Variants in RBFOX1 observed in about 807,000 individuals in gnomAD.
The protein encoded by RBFOX1 is RNA binding protein fox-1 homolog 1.
RBFOX1 carries 8 observed loss-of-function variants against 57.7 expected under a neutral mutation model. The ratio of observed to expected loss-of-function variants is 0.14; its 90% CI spans 0.08 to 0.25. The LOEUF (loss-of-function observed/expected upper bound fraction) is 0.25. RBFOX1 is among the 10% of genes least tolerant of loss of function. RBFOX1 has a pLI of 1.00. For synonymous variants in RBFOX1, 326 were observed against 222.4 expected, an observed-to-expected ratio of 1.47 and a Z score of -4.15; for missense variants, 611 against 548.5, an observed-to-expected ratio of 1.11 and a Z score of -1.14.
chr16:6,790,573 T>C (rs927795095), intron 3 of RBFOX1, among the ~76,000 whole-genome samples: 10 of 152,160 alleles, frequency 6.6e-5, no homozygotes, highest in African/African-American at 1.9e-4. Context: ...CCCAAACCAT[T>C]GTTTTCCCAA....
intron 1 of RBFOX1, among the ~76,000 whole-genome samples, chr16:5,255,466 CA>C (rs2062569596): frequency 6.6e-6 from 1 of 151,048 alleles, no homozygotes; most frequent in Non-Finnish European, 1.5e-5. Context: ...CTTGTGCACC[CA>C]GCTATCATCC....
rs188354657 is a variant in RBFOX1, at chr16:6,932,286, C to T, written c.-15-119771C>T. On this transcript the variant is annotated intron_variant, in intron 3 of 15. Transcript: ENST00000550418. ...ACCTGGCTAATTTTTTTTGAATTTT[C>T]AGTAGAGACGGGGTTTCACCCTGTT... Among the ~76,000 whole-genome samples, 1,258 of 151,948 alleles carry T rather than the reference C, an allele frequency of 8.3e-3. 5 individuals carry two copies. Among genetic ancestry groups the T allele is most frequent in the Non-Finnish European group, 0.014 (984 of 67,912 alleles).
chr16:7,454,286 A>G (rs1335017716), intron 4 of RBFOX1, among the ~76,000 whole-genome samples: 3 of 152,196 alleles, frequency 2.0e-5, no homozygotes. Context: ...GAAGTCAAGG[A>G]AGCAAGGAAG....
At chr16:6,942,602 G>T (rs138925040) in intron 3 of RBFOX1, among the ~76,000 whole-genome samples, 2 of 152,168 alleles carry the variant, frequency 1.3e-5, no homozygotes, top group Non-Finnish European at 2.9e-5. Context: ...GATCAAGACA[G>T]AGTGGACTTT....
intron 1 of RBFOX1, among the ~76,000 whole-genome samples, chr16:5,420,560 G>A (rs539590000): frequency 1.3e-5 from 2 of 152,196 alleles, no homozygotes; most frequent in Admixed American, 1.3e-4. Flanking sequence ...CCAGGCTGGA[G>A]TGCAGTGGTG....
chr16:6,080,433 T>A (rs1162558816), intron 1 of RBFOX1, among the ~76,000 whole-genome samples: 1 of 152,234 alleles, frequency 6.6e-6, no homozygotes, highest in East Asian at 1.9e-4. Flanking sequence ...GCTCCTGTTA[T>A]GCACCAAGCA....
chr16:7,295,097 C>G (rs1267752193), intron 4 of RBFOX1, among the ~76,000 whole-genome samples: 2 of 152,104 alleles, frequency 1.3e-5, no homozygotes. Context: ...AAGGACTTGA[C>G]CTGATGTTGT....
chr16:5,705,866 C>T (rs764295766), intron 3 of RBFOX1, among the ~76,000 whole-genome samples: 1 of 152,134 alleles, frequency 6.6e-6, no homozygotes, highest in Non-Finnish European at 1.5e-5. Flanking sequence ...AAAATAGGTG[C>T]CTGATAGATG....
chr16:6,698,180 T>C (rs2061329641), intron 3 of RBFOX1, among the ~76,000 whole-genome samples: 1 of 152,148 alleles, frequency 6.6e-6, no homozygotes, highest in African/African-American at 2.4e-5. Flanking sequence ...TCCCTTAAAA[T>C]TTTACTTTCC....
intron 1 of RBFOX1, among the ~76,000 whole-genome samples, chr16:6,080,032 T>C (rs1567405933): frequency 6.6e-6 from 1 of 152,176 alleles, no homozygotes; most frequent in Non-Finnish European, 1.5e-5. Flanking sequence ...TGGGAGTGAA[T>C]TTAAGTCTGG....
At chr16:7,525,262 G>C (rs1467636898) in intron 5 of RBFOX1, among the ~76,000 whole-genome samples, 1 of 151,998 alleles carries the variant, frequency 6.6e-6, no homozygotes, top group Non-Finnish European at 1.5e-5. Context: ...AGATTATTCT[G>C]TATCATATTT....
intron 1 of RBFOX1, among the ~76,000 whole-genome samples, chr16:5,258,185 G>A (rs1171354272): frequency 6.6e-6 from 1 of 151,992 alleles, no homozygotes; most frequent in African/African-American, 2.4e-5. Flanking sequence ...CCTGGCCAAG[G>A]TTTTTTATTA....
chr16:6,375,848 T>C (rs972421506), intron 2 of RBFOX1, among the ~76,000 whole-genome samples: 2 of 152,080 alleles, frequency 1.3e-5, no homozygotes, highest in African/African-American at 4.8e-5. Context: ...GCATAAACAA[T>C]GCAAAAAACA....
Position 7,651,618 on chromosome 16 carries a change from G to A in RBFOX1, c.758-2197G>A, listed in dbSNP as rs556104894. ...CGCTTCTACTCCTGAAGCTGATAGC[G>A]GGAAGGGAAGAAGCTCTTCTTGGCA... is the stretch of plus-strand genomic sequence containing the variant. On this transcript the variant is annotated intron_variant, in intron 11 of 15. Transcript: ENST00000550418. Among the ~76,000 whole-genome samples the A allele has an allele frequency of 4.6e-5, 7 of 152,280 alleles. No individual in the cohort carries two copies. The South Asian group carries it at 6.2e-4, about 14-fold the overall frequency.
In RBFOX1 at chr16:5,715,863, C is replaced by G. The variant is rs372892206; in HGVS notation, c.318+116902C>G. On this transcript the variant is annotated intron_variant, in intron 3 of 19. Coordinates refer to the RBFOX1 transcript ENST00000641259. ...GGGGTTTAATTGCATTTACTGACTC[C>G]CTGCTCCCTTAACAAATATTTGTTG... is the stretch of plus-strand genomic sequence containing the variant. 9.2e-5 allele frequency among the ~76,000 whole-genome samples: 14 copies of G among 152,268 alleles called. No individual in the cohort carries two copies. In the South Asian group the frequency reaches 2.9e-3, roughly 32 times the overall value.
chr16:5,273,146 A>G (rs1319420981), intron 1 of RBFOX1, among the ~76,000 whole-genome samples: 5 of 151,952 alleles, frequency 3.3e-5, no homozygotes, highest in Non-Finnish European at 5.9e-5. Flanking sequence ...TTGGAGGTGA[A>G]ATGGCTGTTG....
chr16:7,374,882 A>T, intron 4 of RBFOX1, among the ~76,000 whole-genome samples: 1 of 152,170 alleles, frequency 6.6e-6, no homozygotes, highest in East Asian at 1.9e-4. Flanking sequence ...CCATCCAGAA[A>T]GTGTCTCTTC....
At chr16:7,555,965 C>T (rs2088310055) in intron 5 of RBFOX1, among the ~76,000 whole-genome samples, 1 of 151,848 alleles carries the variant, frequency 6.6e-6, no homozygotes, top group African/African-American at 2.4e-5. Context: ...GGGATTTTTT[C>T]CTGTTTTCTC....
At chr16:5,805,875 A>G (rs1269879277) in intron 3 of RBFOX1, among the ~76,000 whole-genome samples, 6 of 152,276 alleles carry the variant, frequency 3.9e-5, no homozygotes, top group South Asian at 2.1e-4. Flanking sequence ...GGATCCATCA[A>G]TATGGTTTCA....
Sources: allele counts gnomAD v4.1 joint callset (sites outside exome capture counted in the v4.1 genomes callset), GRCh38; gene constraint gnomAD v4.1.1; transcripts MANE v1.5; gene names NCBI Gene and HGNC (gene_info 2026-07-23, HGNC 2026-07-21).